Variants in ST8SIA6 observed in about 807,000 individuals in gnomAD.
The protein encoded by ST8SIA6 is alpha-2,8-sialyltransferase 8F.
ST8SIA6 carries 39 observed loss-of-function variants against 33.6 expected under a neutral mutation model. That is an observed-to-expected ratio of 1.16 (90% confidence interval 0.90 to 1.52). The LOEUF (loss-of-function observed/expected upper bound fraction) is 1.52. Among genes scored for constraint, ST8SIA6 ranks in the 40% most tolerant of loss-of-function variants. The pLI, the probability that ST8SIA6 is intolerant of heterozygous loss-of-function variation, is 0.00. For missense variants in ST8SIA6, 441 were observed against 443.8 expected (o/e 0.99, Z 0.06); for synonymous variants, 172 against 167.2 (o/e 1.03, Z -0.22).
intron 2 of ST8SIA6, among the ~76,000 whole-genome samples, chr10:17,423,709 T>G (rs1851849764): frequency 6.6e-6 from 1 of 152,114 alleles, no homozygotes; most frequent in Non-Finnish European, 1.5e-5. Flanking sequence ...CTCCCACCCC[T>G]TTGTACTCTG....
At chr10:17,328,892 T>TG (rs1848215798) in intron 5 of ST8SIA6, among the ~76,000 whole-genome samples, 1 of 152,274 alleles carries the variant, frequency 6.6e-6, no homozygotes, top group South Asian at 2.1e-4. Context: ...TTTAAAGCAT[T>TG]GGTAACTAAA....
chr10:17,342,805 C>T lies in ST8SIA6; in HGVS notation c.378-11253G>A, dbSNP rs559379987. On this transcript the variant is annotated intron_variant, in intron 4 of 7. Coordinates refer to ENST00000377602, the MANE Select transcript of ST8SIA6 (RefSeq NM_001004470.3). ...CTCTACTAAAAATACAAAAATTAGC[C>T]GGGCATAGTGGTGGGTGCCTGTAGT... Among the ~76,000 whole-genome samples, 153 of 152,060 alleles carry T rather than the reference C, an allele frequency of 1.0e-3. 1 individual carries two copies. In the South Asian group the frequency reaches 0.012, roughly 12 times the overall value.
intron 2 of ST8SIA6, among the ~76,000 whole-genome samples, chr10:17,414,964 C>T (rs890709633): frequency 1.3e-5 from 2 of 152,036 alleles, no homozygotes; most frequent in Non-Finnish European, 2.9e-5. Flanking sequence ...GTTCTGGCTC[C>T]TGCCCGTCTC....
rs532774636 is a variant in ST8SIA6 at position 17,371,429 on chromosome 10, G to A, written c.291-11829C>T. Among the ~76,000 whole-genome samples the A allele has an allele frequency of 3.8e-4, 58 of 152,234 alleles. No individual in the cohort carries two copies. In the South Asian group the frequency reaches 0.011, roughly 29 times the overall value. On this transcript the variant is annotated intron_variant, in intron 3 of 7. Coordinates refer to ENST00000377602, the MANE Select transcript of ST8SIA6 (RefSeq NM_001004470.3). ...GAGGATGAAGAGAAATGAGGCCTGA[G>A]GATTGAATTCTGGGGCATCCAGTGT...
intron 4 of ST8SIA6, among the ~76,000 whole-genome samples, chr10:17,347,504 GA>G (rs148645517): frequency 1.6e-4 from 23 of 146,886 alleles, no homozygotes; most frequent in Middle Eastern, 3.4e-3. Flanking sequence ...GACTTGTAAA[GA>G]AAAAAAAAAC....
At chr10:17,399,910 T>A (rs1477040616) in intron 2 of ST8SIA6, among the ~76,000 whole-genome samples, 1 of 137,096 alleles carries the variant, frequency 7.3e-6, no homozygotes, top group African/African-American at 2.8e-5. Flanking sequence ...TGAGGGAGAT[T>A]CTGTCTCAAA....
At chr10:17,399,741 A>G (rs1335734854) in intron 2 of ST8SIA6, among the ~76,000 whole-genome samples, 1 of 151,470 alleles carries the variant, frequency 6.6e-6, no homozygotes, top group Non-Finnish European at 1.5e-5. Context: ...ACATAGTGAG[A>G]CTCCTGTCTC....
Position 17,331,479 on chromosome 10 carries a change from T to G in ST8SIA6, c.451A>C (p.Asn151His). 1 of 1,613,866 alleles carries G rather than the reference T, an allele frequency of 6.2e-7. No homozygotes were observed. ...TTGCTTTCCACCTCGTAACTCATATTAGTCCCAACTGGAGTGTTATTCTGA... is the reference window on the plus strand; with the variant it reads ...TTGCTTTCCACCTCGTAACTCATATGAGTCCCAACTGGAGTGTTATTCTGA... Reference protein sequence around the residue: ...VSQNNTPVGTNMSYEVESKKE... With the variant: ...VSQNNTPVGTHMSYEVESKKE... The change falls in exon 5 of 8, where the codon AAT becomes CAT. Residue 151 changes from asparagine to histidine, a missense_variant. Physicochemically the swap from Asn to His is moderately conservative, Grantham distance 68. Coordinates refer to ENST00000377602, the MANE Select transcript of ST8SIA6 (RefSeq NM_001004470.3).
intron 4 of ST8SIA6, among the ~76,000 whole-genome samples, chr10:17,346,235 C>T (rs904043745): frequency 1.3e-5 from 2 of 152,162 alleles, no homozygotes; most frequent in South Asian, 2.1e-4. Context: ...GACATGTGAG[C>T]GTCACATCTT....
At chr10:17,445,329 A>G (rs10508542) in intron 2 of ST8SIA6, among the ~76,000 whole-genome samples, 16,467 of 152,266 alleles carry the variant, frequency 0.11, 973 homozygotes, top group South Asian at 0.21. Context: ...GTCTACACAA[A>G]ATGACAAGCG....
chr10:17,351,524 A>T, intron 4 of ST8SIA6, among the ~76,000 whole-genome samples: 1 of 148,180 alleles, frequency 6.7e-6, no homozygotes, highest in Admixed American at 6.9e-5. Context: ...CCCACATAAC[A>T]TGACAGCTAA....
intron 3 of ST8SIA6, among the ~76,000 whole-genome samples, chr10:17,368,811 C>T (rs1437209514): frequency 2.0e-5 from 3 of 152,110 alleles, no homozygotes; most frequent in Admixed American, 6.6e-5. Context: ...GTTTGAGGGA[C>T]ACGAAATGAT....
intron 7 of ST8SIA6, 116 bp downstream of exon 7, chr10:17,322,949 C>G: frequency 1.1e-6 from 1 of 885,472 alleles, no homozygotes; most frequent in Non-Finnish European, 1.7e-6. Context: ...TTTCCAAAAA[C>G]TCATTCCACC....
intron 2 of ST8SIA6, chr10:17,403,535 CAAT>C (rs1354449581): frequency 6.6e-6 from 1 of 152,156 alleles, no homozygotes; most frequent in Non-Finnish European, 1.5e-5. Context: ...TGAGTTATCT[CAAT>C]TGATTGTTCA....
chr10:17,447,115 GA>G (rs1852740198), intron 2 of ST8SIA6, among the ~76,000 whole-genome samples: 1 of 152,074 alleles, frequency 6.6e-6, no homozygotes, highest in African/African-American at 2.4e-5. Context: ...TTGTGGCCGG[GA>G]GCAGTAGCCC....
intron 3 of ST8SIA6, among the ~76,000 whole-genome samples, chr10:17,362,476 A>AATTG (rs1399849843): frequency 1.3e-5 from 2 of 152,200 alleles, no homozygotes; most frequent in Non-Finnish European, 2.9e-5. Flanking sequence ...AGTATATTTA[A>AATTG]ATTGATATAC....
chr10:17,387,318 C>G (rs1485334326), intron 3 of ST8SIA6, among the ~76,000 whole-genome samples: 1 of 150,800 alleles, frequency 6.6e-6, no homozygotes, highest in East Asian at 1.9e-4. Context: ...GTGGCGTGAT[C>G]TTGGCTCACC....
intron 2 of ST8SIA6, among the ~76,000 whole-genome samples, chr10:17,423,732 G>C (rs1851850152): frequency 6.6e-6 from 1 of 152,160 alleles, no homozygotes; most frequent in Non-Finnish European, 1.5e-5. Flanking sequence ...CACCAAAATA[G>C]ATCACTTGTT....
intron 2 of ST8SIA6, among the ~76,000 whole-genome samples, chr10:17,414,898 T>C (rs1851556394): frequency 6.6e-6 from 1 of 152,160 alleles, no homozygotes; most frequent in Non-Finnish European, 1.5e-5. Context: ...TCTTACCATA[T>C]GTTACAACAG....
Sources: allele counts gnomAD v4.1 joint callset (sites outside exome capture counted in the v4.1 genomes callset), GRCh38; gene constraint gnomAD v4.1.1; transcripts MANE v1.5; gene names NCBI Gene and HGNC (gene_info 2026-07-23, HGNC 2026-07-21).